CBLC: variants seen among roughly 807,000 people sequenced by gnomAD.
CBLC encodes the protein E3 ubiquitin-protein ligase CBL-C.
CBLC carries 46 observed loss-of-function variants against 58.6 expected under a neutral mutation model. That is an observed-to-expected ratio of 0.79 (90% CI 0.62 to 1.00). CBLC has a LOEUF of 1.00. Ranked by LOEUF, CBLC falls within the 50% of genes least tolerant of loss-of-function variation. The probability of loss-of-function intolerance (pLI) is 0.00; values close to 1 mark genes in which losing one functional copy is unlikely to be tolerated. For missense variants in CBLC, 655 were observed against 625.8 expected (o/e 1.05, Z -0.50); for synonymous variants, 271 against 264.2 (o/e 1.03, Z -0.25).
rs1401164342 is a variant in CBLC, at chr19:44,778,233, G to A, written c.302G>A (p.Arg101Gln). Residue 101 changes from arginine (R) to glutamine (Q), a missense_variant, in exon 1 of 11, where the codon CGG becomes CAG. By Grantham distance (43) the Arg-to-Gln change is conservative. Coordinates refer to ENST00000647358, the MANE Select transcript of CBLC (RefSeq NM_012116.4). ...CAGGTGGCCGCGCTGCTGCCTCCCC[G>A]GGGCCGAAGGAGTGCCAACGACGAG... is the stretch of plus-strand genomic sequence containing the variant. The part of the protein sequence containing the change: ...SRQVAALLPP[R>Q]GRRSANDELF... The A allele has an allele frequency of 2.1e-6, 3 of 1,459,666 alleles. No homozygotes were observed. Among genetic ancestry groups the A allele is most frequent in the African/African-American group, 1.5e-5 (1 of 68,670 alleles). 90.4% of individuals were successfully genotyped at this position (1,459,666 alleles called of 1,614,324 possible).
At chr19:44,790,438 A>G (rs1040615386) in intron 6 of CBLC, among the ~76,000 whole-genome samples, 1 of 151,998 alleles carries the variant, frequency 6.6e-6, no homozygotes, top group Non-Finnish European at 1.5e-5. Context: ...TTTATTTTTT[A>G]TTTATTTTTA....
At chr19:44,784,444 G>A (rs543883196) in intron 5 of CBLC, 43 bp downstream of exon 5, 52 of 1,527,734 alleles carry the variant, frequency 3.4e-5, no homozygotes, top group Admixed American at 1.9e-4. Flanking sequence ...AGCAAAATCT[G>A]GTTGGAAAGA....
At chr19:44,784,614 C>T (rs1203931037) in intron 5 of CBLC, among the ~76,000 whole-genome samples, 1 of 152,172 alleles carries the variant, frequency 6.6e-6, no homozygotes, top group African/African-American at 2.4e-5. Context: ...GGCCATAGAT[C>T]GGGCCCAGCC....
intron 9 of CBLC, among the ~76,000 whole-genome samples, chr19:44,794,778 C>T (rs553745865): frequency 1.6e-4 from 25 of 151,914 alleles, no homozygotes; most frequent in African/African-American, 6.0e-4. Flanking sequence ...GACTTTCTAG[C>T]TCTCCTTCCA....
intron 1 of CBLC, 121 bp downstream of exon 1, chr19:44,778,405 C>G (rs1967632684): frequency 1.1e-6 from 1 of 919,708 alleles, no homozygotes; most frequent in Non-Finnish European, 1.4e-6. Flanking sequence ...CCCAGGAACT[C>G]AGGCCCCCAC....
In CBLC at chr19:44,778,240, A is replaced by T; in HGVS notation, c.309A>T (p.Arg103=). 1 of 1,455,206 alleles carries T rather than the reference A, an allele frequency of 6.9e-7. No individual in the cohort carries two copies. Among genetic ancestry groups the T allele is most frequent in the Non-Finnish European group, 9.0e-7 (1 of 1,105,668 alleles). The allele number at this position is 1,455,206 out of a possible 1,614,324, so 90.1% of individuals were successfully genotyped here. The change falls in exon 1 of 11, where the codon CGA becomes CGT. Residue 103 remains arginine, a synonymous_variant. Coordinates refer to ENST00000647358, the MANE Select transcript of CBLC (RefSeq NM_012116.4). The stretch of plus-strand genomic sequence containing the variant: ...CCGCGCTGCTGCCTCCCCGGGGCCG[A>T]AGGAGTGCCAACGACGAGCTCTTCC... ...QVAALLPPRG[R]RSANDELFRA...
intron 9 of CBLC, among the ~76,000 whole-genome samples, chr19:44,796,768 G>A (rs1968186909): frequency 6.6e-6 from 1 of 152,090 alleles, no homozygotes; most frequent in African/African-American, 2.4e-5. Context: ...TGGATTGCTG[G>A]GGAGAAGCAG....
chr19:44,787,665 A>G (rs1967945881), intron 5 of CBLC, among the ~76,000 whole-genome samples: 1 of 150,954 alleles, frequency 6.6e-6, no homozygotes, highest in South Asian at 2.1e-4. Context: ...AAAAATACAA[A>G]AATTAACCAG....
chr19:44,800,265 C>T, intron 9 of CBLC, 116 bp from the exon 10 acceptor site: 2 of 708,426 alleles, frequency 2.8e-6, no homozygotes, highest in South Asian at 3.3e-5. Flanking sequence ...AAGCCACCTC[C>T]AGCCCCCAGG....
At chr19:44,789,921 C>G in intron 5 of CBLC, 83 bp from the exon 6 acceptor site, 2 of 908,014 alleles carry the variant, frequency 2.2e-6, no homozygotes, top group Non-Finnish European at 3.7e-6. Flanking sequence ...ATATGGGGCC[C>G]TGTAGGGGGT....
intron 6 of CBLC, 67 bp downstream of exon 6, chr19:44,790,158 C>G: frequency 8.1e-7 from 1 of 1,238,336 alleles, no homozygotes; most frequent in Non-Finnish European, 1.2e-6. Context: ...TGCCTTGGCT[C>G]AGAGGCCTGG....
chr19:44,794,251 C>G lies in CBLC; in HGVS notation c.1332C>G (p.Pro444=). The G allele has an allele frequency of 6.2e-7, 1 of 1,613,092 alleles. No homozygotes were observed. The highest frequency in any genetic ancestry group is 8.5e-7 in the Non-Finnish European group (1 of 1,179,540). The change falls in exon 9 of 11, where the codon CCC becomes CCG. Residue 444 remains proline (P), a synonymous_variant. Coordinates refer to ENST00000647358, the MANE Select transcript of CBLC (RefSeq NM_012116.4). ...PPLPPRPDLP[P]RKPRNAQPKV... is the part of the protein sequence containing the mutation. ...TGCCCCCACGGCCAGATCTGCCCCCCAGGAAGCCCAGAAATGCCCAGCCGA... is the reference window on the plus strand; with the variant it reads ...TGCCCCCACGGCCAGATCTGCCCCCGAGGAAGCCCAGAAATGCCCAGCCGA...
chr19:44,799,169 C>G (rs537344961), intron 9 of CBLC, among the ~76,000 whole-genome samples: 23 of 152,272 alleles, frequency 1.5e-4, no homozygotes, highest in African/African-American at 5.3e-4. Context: ...GCTGTCTTCT[C>G]AGAGCGAAAA....
chr19:44,782,364 C>T lies in CBLC; in HGVS notation c.658-6C>T. 6.2e-7 allele frequency: 1 copy of T among 1,613,572 alleles called. No individual in the cohort carries two copies. The highest frequency in any genetic ancestry group is 1.1e-5 in the South Asian group (1 of 91,066). ...GCTCCCTGACCCAAGCCCTGCCCCA[C>T]CCCAGCCATGGCCAACACTCCTCAA... is the stretch of plus-strand genomic sequence containing the variant. On this transcript the variant is annotated splice_region_variant and splice_polypyrimidine_tract_variant and intron_variant, in intron 3 of 10. Transcript: ENST00000647358.
rs142187731 is a variant in CBLC, at chr19:44,792,438, G to C, written c.1061G>C (p.Cys354Ser). The C allele has an allele frequency of 6.2e-7, 1 of 1,613,552 alleles. No homozygotes were observed. The highest frequency in any genetic ancestry group is 1.3e-5 in the African/African-American group (1 of 75,022). ...MDSTFELCKI[C>S]AESNKDVKIE... ...TCCACATTTGAGCTCTGCAAGATCT[G>C]TGCTGAGAGCAACAAGGATGTGAAG... The change falls in exon 7 of 11, where the codon TGT becomes TCT. Residue 354 changes from cysteine (C) to serine (S), a missense_variant. Coordinates refer to ENST00000647358, the MANE Select transcript of CBLC (RefSeq NM_012116.4).
intron 2 of CBLC, 55 bp from the exon 3 acceptor site, chr19:44,781,152 C>A: frequency 6.3e-7 from 1 of 1,577,144 alleles, no homozygotes; most frequent in South Asian, 1.2e-5. Context: ...GAGACCCTCC[C>A]ATCATAGGCT....
At chr19:44,792,256 G>C (rs981716672) in intron 6 of CBLC, 127 bp from the exon 7 acceptor site, 1 of 984,348 alleles carries the variant, frequency 1.0e-6, no homozygotes, top group Non-Finnish European at 1.5e-6. Context: ...AGCCTCCAAA[G>C]TGCTGGGATT....
At chr19:44,780,041 C>CAA (rs1424283152) in intron 1 of CBLC, among the ~76,000 whole-genome samples, 1 of 152,124 alleles carries the variant, frequency 6.6e-6, no homozygotes, top group African/African-American at 2.4e-5. Flanking sequence ...GCTGACTAGT[C>CAA]AGACACTCGT....
chr19:44,788,479 C>CT lies in CBLC; in HGVS notation c.918-1507dup, dbSNP rs1293573931. Among the ~76,000 whole-genome samples the CT allele has an allele frequency of 8.3e-3, 981 of 118,556 alleles. 7 individuals carry two copies. Among genetic ancestry groups the CT allele is most frequent in the African/African-American group, 0.018 (566 of 32,314 alleles). The allele number at this position is 118,556 out of a possible 152,430, so 77.8% of individuals were successfully genotyped here. ...TCTTATTTATTTATTTTTAAAATTT[C>CT]TTTTTTTTTTTTTTTTTTGAGACAG... On this transcript the variant is annotated intron_variant, in intron 5 of 10. Coordinates refer to ENST00000647358, the MANE Select transcript of CBLC (RefSeq NM_012116.4).
Sources: gnomAD v4.1 joint callset for allele counts (sites outside exome capture counted in the v4.1 genomes callset) on GRCh38, gnomAD v4.1.1 for gene constraint, MANE v1.5 for transcripts, NCBI Gene and HGNC (gene_info 2026-07-23, HGNC 2026-07-21) for gene names.